ADARB2: variants seen among roughly 807,000 people sequenced by gnomAD.
The protein encoded by ADARB2 is inactive double-stranded RNA-specific editase B2.
ADARB2 carries 25 observed loss-of-function variants against 62.2 expected under a neutral mutation model. The observed-to-expected ratio is 0.40, with a 90% CI of 0.29 to 0.56. The LOEUF is 0.56. ADARB2 is among the 20% of genes least tolerant of loss of function. The pLI is 0.43. For synonymous variants in ADARB2, 572 were observed against 500.8 expected (o/e 1.14, Z -1.90); for missense variants, 1,071 against 1,077.4 (o/e 0.99, Z 0.08).
chr10:1,555,434 T>C (rs1016841222), intron 1 of ADARB2, among the ~76,000 whole-genome samples: 1 of 152,178 alleles, frequency 6.6e-6, no homozygotes, highest in Non-Finnish European at 1.5e-5. Flanking sequence ...AATTTGAAGC[T>C]CAATCATCCT....
At chr10:1,358,304 T>C (rs1356593130) in intron 3 of ADARB2, among the ~76,000 whole-genome samples, 1 of 152,226 alleles carries the variant, frequency 6.6e-6, no homozygotes, top group Non-Finnish European at 1.5e-5. Flanking sequence ...GCCATTATGA[T>C]GTCGGATAGG....
chr10:1,233,736 C>T lies in ADARB2; in HGVS notation c.1471G>A (p.Gly491Arg), dbSNP rs774213881. 6.2e-7 allele frequency: 1 copy of T among 1,613,934 alleles called. No homozygotes were observed. The highest frequency in any genetic ancestry group is 8.5e-7 in the Non-Finnish European group (1 of 1,179,950). Residue 491 changes from glycine (G) to arginine (R), a missense_variant, in exon 6 of 10, where the codon GGA (glycine) becomes AGA (arginine). Physicochemically the swap from Gly to Arg is moderately radical, Grantham distance 125. Transcript: ENST00000381312. ...FHLYVSTSPC[G>R]DARLHSPYEI... ...TAGGGAGAGTGGAGTCTTGCGTCTC[C>T]ACAGGGGGAGGTGCTCACGTAGAGA...
intron 6 of ADARB2, among the ~76,000 whole-genome samples, chr10:1,225,006 G>T (rs1272368746): frequency 6.6e-6 from 1 of 152,116 alleles, no homozygotes; most frequent in Non-Finnish European, 1.5e-5. Flanking sequence ...GTCTAATTTT[G>T]ACAGTGGGGT....
At chr10:1,211,406 G>A (rs1035642496) in intron 7 of ADARB2, among the ~76,000 whole-genome samples, 2 of 151,766 alleles carry the variant, frequency 1.3e-5, no homozygotes, top group African/African-American at 2.4e-5. Flanking sequence ...GTCATCTATC[G>A]ATCTATGTAT....
chr10:1,471,249 C>T (rs891434005), intron 1 of ADARB2, among the ~76,000 whole-genome samples: 1 of 152,226 alleles, frequency 6.6e-6, no homozygotes, highest in Non-Finnish European at 1.5e-5. Context: ...CCTTGTAAAA[C>T]CTTCCCACCG....
intron 4 of ADARB2, among the ~76,000 whole-genome samples, chr10:1,246,927 A>G (rs1564234705): frequency 6.6e-6 from 1 of 151,896 alleles, no homozygotes; most frequent in Non-Finnish European, 1.5e-5. Flanking sequence ...CTTGGGCAGT[A>G]TGGCCATTTT....
chr10:1,494,618 T>G (rs1467523189), intron 1 of ADARB2, among the ~76,000 whole-genome samples: 1 of 141,614 alleles, frequency 7.1e-6, no homozygotes, highest in Non-Finnish European at 1.5e-5. Flanking sequence ...TTAGCTCCAC[T>G]TTTTTTTTGA....
At chr10:1,582,229 C>T (rs1833113593) in intron 1 of ADARB2, among the ~76,000 whole-genome samples, 1 of 152,158 alleles carries the variant, frequency 6.6e-6, no homozygotes, top group Non-Finnish European at 1.5e-5. Context: ...GTCTCTGGCC[C>T]AGCTACTTCG....
rs984993225 is a variant in ADARB2, at chr10:1,297,374, T to A, written c.1078-26305A>T. Reference sequence around the variant, plus strand: ...CTTGCCAGAGCCAAACTCAAGTTTTTACACATCCAGTTATTTTAAAAATAG... The same window carrying A: ...CTTGCCAGAGCCAAACTCAAGTTTTAACACATCCAGTTATTTTAAAAATAG... On this transcript the variant is annotated intron_variant, in intron 3 of 9. Coordinates refer to ENST00000381312, the MANE Select transcript of ADARB2 (RefSeq NM_018702.4). 1.4e-4 allele frequency among the ~76,000 whole-genome samples: 21 copies of A among 152,222 alleles called. 1 individual carries two copies. Among genetic ancestry groups the A allele is most frequent in the Non-Finnish European group, 2.6e-4 (18 of 68,040 alleles).
At chr10:1,566,241 C>T (rs2048669043) in intron 1 of ADARB2, among the ~76,000 whole-genome samples, 1 of 152,128 alleles carries the variant, frequency 6.6e-6, no homozygotes, top group Admixed American at 6.6e-5. Context: ...TTGGATTTGC[C>T]AGGGACAGAC....
rs144338801 is a variant in ADARB2 at position 1,280,656 on chromosome 10, C to T, written c.1078-9587G>A. On this transcript the variant is annotated intron_variant, in intron 3 of 9. Transcript: ENST00000381312. ...TCCGTGAAATTCCTGAGTGATGCTC[C>T]GTGATATTCCTGAGTGATGCTCTAT... 4.9e-3 allele frequency among the ~76,000 whole-genome samples: 719 copies of T among 146,624 alleles called. 3 individuals are homozygous for T. The highest frequency in any genetic ancestry group is 0.012 in the Middle Eastern group (3 of 258).
chr10:1,265,107 A>G (rs964911185), intron 4 of ADARB2, among the ~76,000 whole-genome samples: 10 of 152,266 alleles, frequency 6.6e-5, no homozygotes, highest in Non-Finnish European at 1.5e-5. Context: ...ATAAAGGACC[A>G]TCAGCTCTAC....
chr10:1,374,088 C>G (rs1446853524), intron 2 of ADARB2, among the ~76,000 whole-genome samples: 1 of 152,214 alleles, frequency 6.6e-6, no homozygotes, highest in Admixed American at 6.5e-5. Context: ...GCACCCCAGC[C>G]AAGCACCTCA....
chr10:1,318,667 C>A (rs777796977), intron 3 of ADARB2, among the ~76,000 whole-genome samples: 1 of 152,094 alleles, frequency 6.6e-6, no homozygotes, highest in African/African-American at 2.4e-5. Flanking sequence ...AAAGGCTGCT[C>A]GAGACTGTGT....
intron 8 of ADARB2, chr10:1,186,411 G>A (rs1314299352): frequency 2.0e-6 from 1 of 493,968 alleles, no homozygotes; most frequent in Non-Finnish European, 4.0e-6. Flanking sequence ...CACAGCAGTG[G>A]TGTTGAGACG....
At chr10:1,626,223 C>T (rs1271472053) in intron 1 of ADARB2, among the ~76,000 whole-genome samples, 1 of 148,266 alleles carries the variant, frequency 6.7e-6, no homozygotes, top group Non-Finnish European at 1.5e-5. Flanking sequence ...TGGACACAGG[C>T]CTCCACTGGA....
At chr10:1,579,885 T>A (rs1235385065) in intron 1 of ADARB2, among the ~76,000 whole-genome samples, 1 of 152,104 alleles carries the variant, frequency 6.6e-6, no homozygotes, top group Non-Finnish European at 1.5e-5. Context: ...TCCCCGAATC[T>A]CCCCAGACAT....
At chr10:1,195,390 TTTTTTTTTTG>T (rs1208607924) in intron 8 of ADARB2, among the ~76,000 whole-genome samples, 1 of 67,406 alleles carries the variant, frequency 1.5e-5, no homozygotes, top group Non-Finnish European at 3.0e-5. Context: ...CTGTACACAG[TTTTTTTTTTG>T]TTTTTTTTTT....
chr10:1,510,148 C>CTT (rs1831915426), intron 1 of ADARB2, among the ~76,000 whole-genome samples: 3 of 123,292 alleles, frequency 2.4e-5, no homozygotes, highest in Admixed American at 8.5e-5. Context: ...TTCTTTCTTT[C>CTT]TTTCTTTCTT....
Sources: allele counts gnomAD v4.1 joint callset (sites outside exome capture counted in the v4.1 genomes callset), GRCh38; gene constraint gnomAD v4.1.1; transcripts MANE v1.5; gene names NCBI Gene and HGNC (gene_info 2026-07-23, HGNC 2026-07-21).